Variants in AMPD1 observed in about 807,000 individuals in gnomAD.
AMPD1 encodes AMP deaminase 1.
In AMPD1, 74 loss-of-function variants were observed where a neutral mutation model predicts 82.9. The ratio of observed to expected loss-of-function variants is 0.89; its 90% confidence interval spans 0.74 to 1.08. The LOEUF (loss-of-function observed/expected upper bound fraction) is 1.08, where lower values mean the gene tolerates loss of function less well. Among genes scored for constraint, AMPD1 ranks in the 50% least tolerant of loss-of-function variants. The pLI, the probability that AMPD1 is intolerant of heterozygous loss-of-function variation, is 0.00. For missense variants in AMPD1, 881 were observed against 924.5 expected (o/e 0.95, Z 0.61); for synonymous variants, 333 against 320.5 (o/e 1.04, Z -0.42).
In AMPD1 at chr1:114,674,049, G is replaced by C; in HGVS notation, c.1834C>G (p.Gln612Glu). The part of the protein sequence containing the change: ...PVLQYLFFLA[Q>E]IPIAMSPLSN... Reference sequence around the variant, plus strand: ...AGTGGTGACATGGCGATGGGAATTTGGGCTAAGAAAAACAAGTACTGTAGC... The same window carrying C: ...AGTGGTGACATGGCGATGGGAATTTCGGCTAAGAAAAACAAGTACTGTAGC... Residue 612 changes from glutamine to glutamate, a missense_variant, in exon 14 of 16, where the codon CAA (glutamine) becomes GAA (glutamate). By Grantham distance (29) the Gln-to-Glu change is conservative. Around this residue, in one of 2 missense-constraint regions of AMPD1, gnomAD observed 783 missense variants for 786.4 expected, o/e 1.00. Coordinates refer to ENST00000520113, the MANE Select transcript of AMPD1 (RefSeq NM_000036.3). 2 of 1,613,936 alleles carry C rather than the reference G, an allele frequency of 1.2e-6. No homozygotes were observed. The highest frequency in any genetic ancestry group is 1.1e-5 in the South Asian group (1 of 91,068).
intron 4 of AMPD1, among the ~76,000 whole-genome samples, 164 bp downstream of exon 4, chr1:114,686,581 T>C (rs1405601216): frequency 6.6e-6 from 1 of 152,122 alleles, no homozygotes; most frequent in Non-Finnish European, 1.5e-5. Flanking sequence ...AACAGAAACA[T>C]AAGACATACC....
chr1:114,679,267 A>G (rs1292622163), intron 7 of AMPD1, among the ~76,000 whole-genome samples: 1 of 152,216 alleles, frequency 6.6e-6, no homozygotes, highest in Non-Finnish European at 1.5e-5. Context: ...TCAAAGAAAA[A>G]GGACTAGAAG....
intron 10 of AMPD1, among the ~76,000 whole-genome samples, chr1:114,677,096 A>T (rs532876268): frequency 6.6e-6 from 1 of 152,024 alleles, no homozygotes; most frequent in Non-Finnish European, 1.5e-5. Flanking sequence ...CTTAGTTTTA[A>T]TCATTCTCAG....
chr1:114,678,492 G>A lies in AMPD1; in HGVS notation c.933C>T (p.Asn311=). 1.2e-6 allele frequency: 2 copies of A among 1,614,128 alleles called. No individual in the cohort carries two copies. Among genetic ancestry groups the A allele is most frequent in the Non-Finnish European group, 1.7e-6 (2 of 1,180,024 alleles). ...DTHIHAAACM[N]QKHLLRFIKK... ...TAATAAAACGCAGCAGATGTTTCTG[G>A]TTCATGCAAGCGGCTGCATGGATAT... The change falls in exon 8 of 16, where the codon AAC becomes AAT. Residue 311 remains asparagine (N), a synonymous_variant. Transcript: ENST00000520113.
At chr1:114,677,266 G>T (rs1658014122) in intron 10 of AMPD1, 85 bp downstream of exon 10, 1 of 1,554,404 alleles carries the variant, frequency 6.4e-7, no homozygotes, top group Non-Finnish European at 8.8e-7. Flanking sequence ...TTTCTAGATG[G>T]GCAACACGTT....
rs966958957 is a variant in AMPD1 at position 114,678,216 on chromosome 1, C to T, written c.1092+117G>A. On this transcript the variant is annotated intron_variant, in intron 8 of 15. Coordinates refer to ENST00000520113, the MANE Select transcript of AMPD1 (RefSeq NM_000036.3). ...ACTTCAAAATTGTCTGTGGTGCTTT[C>T]AGGCAGCGTGGTAAGCCAAGATGGT... The T allele has an allele frequency of 7.5e-6, 11 of 1,474,380 alleles. No homozygotes were observed. The African/African-American group carries it at 1.4e-4, about 19-fold the overall frequency. The allele number at this position is 1,474,380 out of a possible 1,614,324, so 91.3% of individuals were successfully genotyped here.
At chr1:114,691,483 G>A (rs560160573) in intron 2 of AMPD1, among the ~76,000 whole-genome samples, 25 of 152,016 alleles carry the variant, frequency 1.6e-4, no homozygotes, top group African/African-American at 5.3e-4. Context: ...TGGGAGGATC[G>A]TTTGAGCCCA....
Position 114,695,434 on chromosome 1 carries a change from C to A in AMPD1, c.22+16G>T. ...AACAACAACAACTGAGCTCTCCAAA[C>A]ACTTTGTACACCTACCTGGGAGTTT... On this transcript the variant is annotated intron_variant, in intron 1 of 15. Transcript: ENST00000520113. The A allele has an allele frequency of 1.9e-6, 3 of 1,609,548 alleles. No homozygotes were observed. Among genetic ancestry groups the A allele is most frequent in the Non-Finnish European group, 2.5e-6 (3 of 1,178,190 alleles).
Position 114,684,233 on chromosome 1 carries a change from A to G in AMPD1, c.513T>C (p.Gly171=), listed in dbSNP as rs751594548. Reference sequence around the variant, plus strand: ...AGCTCTCATTTGCTACCCAAGCCTCACCATCAATGTTCCGCAAGTATTTGG... The same window carrying G: ...AGCTCTCATTTGCTACCCAAGCCTCGCCATCAATGTTCCGCAAGTATTTGG... The part of the protein sequence containing the change: ...TPSKYLRNID[G]EAWVANESFY... Residue 171 remains glycine, a synonymous_variant, in exon 5 of 16, where the codon GGT becomes GGC. Transcript: ENST00000520113. 1.2e-6 allele frequency: 2 copies of G among 1,614,168 alleles called. No individual in the cohort carries two copies. The highest frequency in any genetic ancestry group is 1.1e-5 in the South Asian group (1 of 91,086).
intron 2 of AMPD1, among the ~76,000 whole-genome samples, chr1:114,692,710 T>G (rs1413873221): frequency 6.7e-6 from 1 of 149,660 alleles, no homozygotes; most frequent in African/African-American, 2.4e-5. Context: ...AACAAATAAA[T>G]AAAATAGGTT....
At chr1:114,689,992 T>C (rs1658467083) in intron 2 of AMPD1, among the ~76,000 whole-genome samples, 1 of 152,122 alleles carries the variant, frequency 6.6e-6, no homozygotes, top group South Asian at 2.1e-4. Context: ...ATAATGACAA[T>C]GGCAAATAGC....
At chr1:114,678,736 G>A (rs1354894692) in intron 7 of AMPD1, among the ~76,000 whole-genome samples, 1 of 152,194 alleles carries the variant, frequency 6.6e-6, no homozygotes, top group Non-Finnish European at 1.5e-5. Context: ...TAGGCTAGAG[G>A]CAATAAGAAT....
intron 12 of AMPD1, among the ~76,000 whole-genome samples, chr1:114,675,162 A>G (rs1414628938): frequency 6.6e-6 from 1 of 152,182 alleles, no homozygotes; most frequent in African/African-American, 2.4e-5. Flanking sequence ...ATTCTATTCT[A>G]TTCAAATTTT....
chr1:114,676,281 A>G (rs1055260867), intron 10 of AMPD1: 10 of 407,372 alleles, frequency 2.5e-5, no homozygotes, highest in South Asian at 1.1e-4. Context: ...CTAAGTCCTC[A>G]TAGAGGAATA....
At chr1:114,692,030 C>G (rs1359181763) in intron 2 of AMPD1, among the ~76,000 whole-genome samples, 3 of 152,184 alleles carry the variant, frequency 2.0e-5, no homozygotes, top group African/African-American at 7.2e-5. Flanking sequence ...TGTTCATCAT[C>G]ATAAAGGGGA....
At chr1:114,693,546 C>T (rs1658583270) in intron 1 of AMPD1, 99 bp from the exon 2 acceptor site, 2 of 1,085,786 alleles carry the variant, frequency 1.8e-6, no homozygotes, top group Admixed American at 3.5e-5. Flanking sequence ...ATGTAGATTG[C>T]TGTTATTTCA....
At chr1:114,674,402 A>G (rs2101710728) in intron 13 of AMPD1, among the ~76,000 whole-genome samples, 1 of 152,322 alleles carries the variant, frequency 6.6e-6, no homozygotes, top group South Asian at 2.1e-4. Context: ...TCTCTACAAG[A>G]AAGTTCTGAC....
chr1:114,675,781 C>T (rs1657963592), intron 11 of AMPD1, 88 bp from the exon 12 acceptor site: 2 of 1,613,246 alleles, frequency 1.2e-6, no homozygotes, highest in East Asian at 4.5e-5. Flanking sequence ...AAGGCACAGA[C>T]CAAACATAAA....
intron 9 of AMPD1, among the ~76,000 whole-genome samples, 191 bp downstream of exon 9, chr1:114,677,719 C>A (rs1277906757): frequency 1.3e-5 from 2 of 151,888 alleles, no homozygotes; most frequent in Non-Finnish European, 2.9e-5. Context: ...CAGAGGAAAT[C>A]CTTATATTCA....
Sources: allele counts gnomAD v4.1 joint callset (sites outside exome capture counted in the v4.1 genomes callset), GRCh38; gene constraint gnomAD v4.1.1; regional missense constraint gnomAD v4.1.1; transcripts MANE v1.5; gene names NCBI Gene and HGNC (gene_info 2026-07-23, HGNC 2026-07-21).